XKR4: variants seen among roughly 807,000 people sequenced by gnomAD.
XKR4 encodes the protein XK related 4.
XKR4 carries 12 observed loss-of-function variants against 53.9 expected under a neutral mutation model. The observed-to-expected ratio is 0.22, with a 90% confidence interval of 0.14 to 0.36. The LOEUF (loss-of-function observed/expected upper bound fraction) is 0.36, where lower values mean the gene tolerates loss of function less well. XKR4 is among the 10% of genes least tolerant of loss of function. XKR4 has a pLI of 1.00. For missense variants in XKR4, 799 were observed against 859.5 expected (o/e 0.93, Z 0.88); for synonymous variants, 354 against 362.4 (o/e 0.98, Z 0.26).
chr8:55,189,847 G>A (rs185899744), intron 1 of XKR4, among the ~76,000 whole-genome samples: 2 of 152,192 alleles, frequency 1.3e-5, no homozygotes, highest in Non-Finnish European at 2.9e-5. Context: ...TTAGGAAAAG[G>A]AGAGGGAATT....
chr8:55,288,553 TG>T (rs890350518), intron 1 of XKR4, among the ~76,000 whole-genome samples: 8 of 152,340 alleles, frequency 5.3e-5, no homozygotes, highest in Middle Eastern at 3.4e-3. Context: ...ATCTTATACT[TG>T]GAGAATATTT....
intron 1 of XKR4, among the ~76,000 whole-genome samples, chr8:55,223,995 T>A (rs1388203900): frequency 6.6e-6 from 1 of 152,206 alleles, no homozygotes; most frequent in Admixed American, 6.5e-5. Flanking sequence ...AATAAATTAC[T>A]GCATTTGCAG....
intron 1 of XKR4, among the ~76,000 whole-genome samples, chr8:55,144,837 A>ATTTTATTTTATTTTATTTTATT (rs1160824472): frequency 1.4e-5 from 2 of 142,080 alleles, no homozygotes; most frequent in African/African-American, 2.5e-5. Flanking sequence ...ATTTTATTTT[A>ATTTTATTTTATTTTATTTTATT]TTATTATTTT....
At position 55,289,693 on chromosome 8, in the gene XKR4, A is replaced by G. The variant is rs545659930; in HGVS notation, c.807-67985A>G. ...GAAAAGAAAGAGAAAGAAAGAAAGA[A>G]AGAGAAAGAAAGAAAGAAAGAGAGA... On this transcript the variant is annotated intron_variant, in intron 1 of 2. Coordinates refer to ENST00000327381, the MANE Select transcript of XKR4 (RefSeq NM_052898.2). Among the ~76,000 whole-genome samples the G allele has an allele frequency of 9.6e-4, 119 of 124,390 alleles. 2 individuals are homozygous for G. Among genetic ancestry groups the G allele is most frequent in the African/African-American group, 3.2e-3 (116 of 35,884 alleles). The allele number at this position is 124,390 out of a possible 152,430, so 81.6% of individuals were successfully genotyped here. A position where few individuals can be genotyped will look rare whatever the true frequency, so the allele number is the denominator to read the frequency against.
chr8:55,518,014 G>A (rs1317545581), intron 2 of XKR4, among the ~76,000 whole-genome samples: 1 of 152,220 alleles, frequency 6.6e-6, no homozygotes, highest in Non-Finnish European at 1.5e-5. Context: ...TGGCTTGCCT[G>A]TCACAGGGGA....
rs924290127 is a variant in XKR4, at chr8:55,527,852, C to G, written c.*3625C>G. 6.6e-6 allele frequency: 1 copy of G among 152,102 alleles called. No individual in the cohort carries two copies. The highest frequency in any genetic ancestry group is 1.5e-5 in the Non-Finnish European group (1 of 68,002). The allele number at this position is 152,102 out of a possible 1,614,324, so 9.4% of individuals were successfully genotyped here. ...TTCTAAATGCCCAATTTATTTTGCT[C>G]TATGAGTAAAGGAAGTGATTGCACA... On this transcript the variant is annotated 3_prime_UTR_variant, in exon 3 of 3. Transcript: ENST00000327381.
At chr8:55,244,898 T>C (rs200265235) in intron 1 of XKR4, among the ~76,000 whole-genome samples, 25 of 8,486 alleles carry the variant, frequency 2.9e-3, no homozygotes, top group Non-Finnish European at 8.4e-3. Context: ...TTTGCCAACA[T>C]TTTTTTTTTT....
chr8:55,175,381 A>G (rs1267570550), intron 1 of XKR4, among the ~76,000 whole-genome samples: 1 of 152,244 alleles, frequency 6.6e-6, no homozygotes, highest in East Asian at 1.9e-4. Flanking sequence ...TAATATAAGA[A>G]TAATATAAAC....
chr8:55,198,956 C>G (rs918793602), intron 1 of XKR4, among the ~76,000 whole-genome samples: 5 of 152,192 alleles, frequency 3.3e-5, no homozygotes, highest in Non-Finnish European at 7.3e-5. Context: ...AACCCCCCAT[C>G]TTCCTGCATT....
intron 2 of XKR4, among the ~76,000 whole-genome samples, chr8:55,518,215 G>A (rs1189035667): frequency 1.3e-5 from 2 of 152,152 alleles, no homozygotes; most frequent in African/African-American, 4.8e-5. Flanking sequence ...CAACACAACA[G>A]GAGTTCAGAT....
chr8:55,471,895 C>T (rs1338381402), intron 2 of XKR4, among the ~76,000 whole-genome samples: 1 of 152,154 alleles, frequency 6.6e-6, no homozygotes, highest in Non-Finnish European at 1.5e-5. Flanking sequence ...TGGCACCACA[C>T]TTCCTGTACA....
At chr8:55,109,520 T>G (rs1816204977) in intron 1 of XKR4, among the ~76,000 whole-genome samples, 1 of 152,162 alleles carries the variant, frequency 6.6e-6, no homozygotes, top group East Asian at 1.9e-4. Flanking sequence ...AGCTGACAGG[T>G]ATAAATCCAC....
intron 1 of XKR4, among the ~76,000 whole-genome samples, chr8:55,209,833 G>A (rs990984848): frequency 6.6e-6 from 1 of 152,208 alleles, no homozygotes. Flanking sequence ...TTCTAAGTAA[G>A]ATTTAAATGG....
At chr8:55,289,501 T>C (rs1434605386) in intron 1 of XKR4, among the ~76,000 whole-genome samples, 1 of 128,074 alleles carries the variant, frequency 7.8e-6, no homozygotes, top group Non-Finnish European at 1.6e-5. Flanking sequence ...GGAGGCAGAG[T>C]GAGATTCTGT....
chr8:55,402,719 G>A (rs1804619487), intron 2 of XKR4, among the ~76,000 whole-genome samples: 1 of 152,202 alleles, frequency 6.6e-6, no homozygotes, highest in Non-Finnish European at 1.5e-5. Context: ...TCTTGATCAG[G>A]GTTAAGCAGA....
At chr8:55,180,921 G>A (rs1264289397) in intron 1 of XKR4, among the ~76,000 whole-genome samples, 1 of 152,164 alleles carries the variant, frequency 6.6e-6, no homozygotes, top group Non-Finnish European at 1.5e-5. Flanking sequence ...AAATACGGAG[G>A]AGTTACTTGA....
chr8:55,310,997 GTTA>G (rs1215243496), intron 1 of XKR4, among the ~76,000 whole-genome samples: 3 of 152,146 alleles, frequency 2.0e-5, no homozygotes, highest in Non-Finnish European at 4.4e-5. Context: ...ACTGCAGCTG[GTTA>G]TTATTTAAGG....
At chr8:55,520,127 T>C (rs1472297707) in intron 2 of XKR4, among the ~76,000 whole-genome samples, 1 of 152,236 alleles carries the variant, frequency 6.6e-6, no homozygotes, top group Non-Finnish European at 1.5e-5. Context: ...TGGAAAAAAC[T>C]GAGCTCGTAT....
chr8:55,218,357 A>G (rs1422013613), intron 1 of XKR4, among the ~76,000 whole-genome samples: 6 of 152,240 alleles, frequency 3.9e-5, no homozygotes, highest in Non-Finnish European at 8.8e-5. Context: ...GTTTGCACTT[A>G]GCAAGAAACT....
Sources: allele counts gnomAD v4.1 joint callset (sites outside exome capture counted in the v4.1 genomes callset), GRCh38; gene constraint gnomAD v4.1.1; transcripts MANE v1.5; gene names NCBI Gene and HGNC (gene_info 2026-07-23, HGNC 2026-07-21).